The following MOV10 variants were observed in gnomAD, a reference collection of about 807,000 sequenced individuals.
The protein encoded by MOV10 is Mov10 RNA helicase.
MOV10 carries 39 observed loss-of-function variants against 108.4 expected under a neutral mutation model. The ratio of observed to expected loss-of-function variants is 0.36; its 90% CI spans 0.28 to 0.47. The LOEUF is 0.47. Among genes scored for constraint, MOV10 ranks in the 20% least tolerant of loss-of-function variants. The pLI is 1.00. For missense variants in MOV10, 952 were observed against 1,297.6 expected (o/e 0.73, Z 4.09); for synonymous variants, 490 against 523.1 (o/e 0.94, Z 0.86).
chr1:112,691,337 T>G (rs541624919), intron 5 of MOV10, among the ~76,000 whole-genome samples: 183 of 152,296 alleles, frequency 1.2e-3, no homozygotes, highest in African/African-American at 4.0e-3. Context: ...GTGCTCTTTT[T>G]GTTGACTATA....
intron 3 of MOV10, 36 bp from the exon 4 acceptor site, chr1:112,689,379 C>T: frequency 1.2e-6 from 1 of 834,430 alleles, no homozygotes; most frequent in Non-Finnish European, 2.1e-6. Flanking sequence ...CAGACCGCTC[C>T]CACCCCAACC....
At chr1:112,696,555 TG>T (rs1434219279) in intron 13 of MOV10, 21 bp downstream of exon 13, 1 of 1,611,962 alleles carries the variant, frequency 6.2e-7, no homozygotes. Flanking sequence ...CAGGTGGGGC[TG>T]CAGGTATACA....
chr1:112,684,345 G>C (rs1302020743), intron 2 of MOV10, among the ~76,000 whole-genome samples: 2 of 144,006 alleles, frequency 1.4e-5, no homozygotes, highest in African/African-American at 5.2e-5. Flanking sequence ...TCAGCTCACT[G>C]CAACCTCCGC....
chr1:112,696,875 A>G (rs778308302), intron 14 of MOV10, 29 bp downstream of exon 14: 4 of 1,540,054 alleles, frequency 2.6e-6, no homozygotes, highest in Admixed American at 3.8e-5. Context: ...CTCCCCTGCC[A>G]TATCCTATGC....
rs774818086 is a variant in MOV10 at position 112,700,687 on chromosome 1, G to A, written c.*180G>A. The A allele has an allele frequency of 8.0e-4, 1,222 of 1,527,658 alleles. 1 individual carries two copies. The highest frequency in any genetic ancestry group is 9.5e-4 in the Non-Finnish European group (1,087 of 1,143,652). 94.6% of individuals were successfully genotyped at this position (1,527,658 alleles called of 1,614,324 possible). A position where few individuals can be genotyped will look rare whatever the true frequency, so the allele number is the denominator to read the frequency against. On this transcript the variant is annotated 3_prime_UTR_variant, in exon 21 of 21. Transcript: ENST00000369645. The stretch of plus-strand genomic sequence containing the variant: ...ATGACACATCAAGCTGCTAACAATT[G>A]GGGGAAGGGGAAGGAAGAAAACTCT...
intron 2 of MOV10, among the ~76,000 whole-genome samples, chr1:112,684,338 G>A (rs1397373443): frequency 6.9e-6 from 1 of 145,566 alleles, no homozygotes; most frequent in Non-Finnish European, 1.5e-5. Context: ...CGCGAACTCA[G>A]CTCACTGCAA....
rs773863162 is a variant in MOV10, at chr1:112,696,098, G to A, written c.1780-50G>A. The A allele has an allele frequency of 1.0e-5, 13 of 1,256,090 alleles. No homozygotes were observed. In the South Asian group the frequency reaches 1.4e-4, roughly 13 times the overall value. The allele number at this position is 1,256,090 out of a possible 1,614,324, so 77.8% of individuals were successfully genotyped here. A position where few individuals can be genotyped will look rare whatever the true frequency, so the allele number is the denominator to read the frequency against. On this transcript the variant is annotated intron_variant, in intron 11 of 20. Coordinates refer to ENST00000369645, the MANE Select transcript of MOV10 (RefSeq NM_001321324.2). ...GGGTACCCACAGCCAGAATCACGGT[G>A]GGAATGAGTGGAGCCAAGCTGATTC...
Position 112,696,777 on chromosome 1 carries a change from A to G in MOV10, c.2129A>G (p.Asn710Ser), listed in dbSNP as rs747373547. The G allele has an allele frequency of 3.7e-6, 6 of 1,605,338 alleles. No individual in the cohort carries two copies. Among genetic ancestry groups the G allele is most frequent in the Middle Eastern group, 1.6e-4 (1 of 6,068 alleles). The change falls in exon 14 of 21, where the codon AAC (asparagine) becomes AGC (serine). Residue 710 changes from asparagine to serine, a missense_variant. Transcript: ENST00000369645. ...YSLLERLLTY[N>S]SLYKKGPDGY... ...CTGCTGGAGCGGCTGCTCACCTACA[A>G]CTCCCTGTACAAGAAGGGCCCTGAT...
intron 19 of MOV10, 71 bp downstream of exon 19, chr1:112,700,053 AG>A (rs1557774759): frequency 1.6e-5 from 26 of 1,596,144 alleles, no homozygotes; most frequent in Non-Finnish European, 2.1e-5. Flanking sequence ...ATCTTTTTTA[AG>A]CGCTTGCTTA....
At chr1:112,686,896 C>T (rs1273238926) in intron 2 of MOV10, 1 of 456,288 alleles carries the variant, frequency 2.2e-6, no homozygotes, top group East Asian at 6.9e-5. Flanking sequence ...CACTGCCTTG[C>T]TCAGGCCTTT....
At chr1:112,695,213 C>G (rs1673960755) in intron 10 of MOV10, among the ~76,000 whole-genome samples, 1 of 152,114 alleles carries the variant, frequency 6.6e-6, no homozygotes. Flanking sequence ...GAGTGAGACT[C>G]TGTCTCAAAA....
chr1:112,699,510 T>C, intron 17 of MOV10, 175 bp from the exon 18 acceptor site: 1 of 1,446,572 alleles, frequency 6.9e-7, no homozygotes, highest in South Asian at 1.5e-5. Flanking sequence ...TGTTTCAGCT[T>C]CCACAGCCTA....
At chr1:112,700,178 T>C (rs1235590973) in intron 19 of MOV10, 41 bp from the exon 20 acceptor site, 2 of 1,613,538 alleles carry the variant, frequency 1.2e-6, no homozygotes, top group Non-Finnish European at 1.7e-6. Context: ...GGACCGTGGC[T>C]TAGCCTCCAG....
chr1:112,684,514 C>T (rs1010032918), intron 2 of MOV10, among the ~76,000 whole-genome samples: 4 of 152,076 alleles, frequency 2.6e-5, no homozygotes, highest in South Asian at 2.1e-4. Context: ...GTGATCCGCC[C>T]GCCTCAGCCT....
rs1672148360 is a variant in MOV10, at chr1:112,675,672, G to A, written c.137+623G>A. ...CCATGGAGACCCAGGGGCAGAGCCA[G>A]CCTTCTGGAGGCTCCCTTTCACCCT... is the stretch of plus-strand genomic sequence containing the variant. On this transcript the variant is annotated intron_variant, in intron 2 of 20. Coordinates refer to ENST00000369645, the MANE Select transcript of MOV10 (RefSeq NM_001321324.2). This position sits in a 1 kb window ranked among gnomAD's most constrained non-coding sequence, Gnocchi z 4.7. Among the ~76,000 whole-genome samples, 2 of 152,254 alleles carry A rather than the reference G, an allele frequency of 1.3e-5. No homozygotes were observed. The highest frequency in any genetic ancestry group is 2.9e-5 in the Non-Finnish European group (2 of 68,040).
At chr1:112,700,040 T>C in intron 19 of MOV10, 58 bp downstream of exon 19, 2 of 1,600,920 alleles carry the variant, frequency 1.2e-6, no homozygotes. Flanking sequence ...CTAGGGCAGG[T>C]GGATCTTTTT....
At chr1:112,678,697 G>A (rs574983663) in intron 2 of MOV10, among the ~76,000 whole-genome samples, 1 of 152,146 alleles carries the variant, frequency 6.6e-6, no homozygotes, top group East Asian at 1.9e-4. Flanking sequence ...GGCTTGGGAT[G>A]ACCTCAGAAG....
In MOV10 at chr1:112,689,081, T is replaced by C. The variant is rs771106179; in HGVS notation, c.284T>C (p.Leu95Pro). The change falls in exon 3 of 21, where the codon CTG (leucine) becomes CCG (proline). Residue 95 changes from leucine (L) to proline (P), a missense_variant. By Grantham distance (98) the Leu-to-Pro change is moderately conservative. This residue lies in a region of MOV10 where 374 missense variants were observed against 468.6 expected (regional missense o/e 0.80). Transcript: ENST00000369645. ...VRFPEKRRMK[L>P]GSDISKHHKS... is the part of the protein sequence containing the mutation. ...TTCCCAGAAAAGAGGAGAATGAAGC[T>C]GGGGTCAGATATCAGCAAACACCAC... The C allele has an allele frequency of 1.9e-6, 3 of 1,612,294 alleles. No homozygotes were observed. The East Asian group carries it at 6.7e-5, about 36-fold the overall frequency.
intron 3 of MOV10, 130 bp downstream of exon 3, chr1:112,689,268 G>A: frequency 8.2e-7 from 1 of 1,225,176 alleles, no homozygotes; most frequent in South Asian, 1.4e-5. Context: ...ATGGGGGAAG[G>A]GCAGGGAACT....
Sources: gnomAD v4.1 joint callset for allele counts (sites outside exome capture counted in the v4.1 genomes callset) on GRCh38, gnomAD v4.1.1 for gene constraint, gnomAD v4.1.1 regional missense constraint, Gnocchi (gnomAD v3.1) non-coding constraint, MANE v1.5 for transcripts, NCBI Gene and HGNC (gene_info 2026-07-23, HGNC 2026-07-21) for gene names.